The following RGS7 variants were observed in gnomAD, a reference collection of about 807,000 sequenced individuals.
RGS7 encodes regulator of G-protein signaling 7.
A neutral mutation model predicts 81.1 loss-of-function variants in RGS7; 27 were observed. That is an observed-to-expected ratio of 0.33 (90% confidence interval 0.25 to 0.46). The LOEUF (loss-of-function observed/expected upper bound fraction) is 0.46. Among genes scored for constraint, RGS7 ranks in the 20% least tolerant of loss-of-function variants. The pLI, the probability that RGS7 is intolerant of heterozygous loss-of-function variation, is 1.00. For missense variants in RGS7, 396 were observed against 607.4 expected, an observed-to-expected ratio of 0.65 and a Z score of 3.66; for synonymous variants, 208 against 207.7, an observed-to-expected ratio of 1.00 and a Z score of -0.01.
Position 241,349,385 on chromosome 1 carries a change from T to C in RGS7, c.78+6314A>G, listed in dbSNP as rs377746007. 7.9e-4 allele frequency among the ~76,000 whole-genome samples: 121 copies of C among 152,326 alleles called. 3 individuals are homozygous for C. The South Asian group carries it at 0.016, about 20-fold the overall frequency. On this transcript the variant is annotated intron_variant, in intron 2 of 18. Transcript: ENST00000440928. ...AGGAACCCAGCTAATTTCACAAAAC[T>C]GCCATTTCCTATATATTTTTCCAGA... is the stretch of plus-strand genomic sequence containing the variant.
At chr1:240,817,474 T>TA (rs1691009147) in intron 10 of RGS7, among the ~76,000 whole-genome samples, 1 of 152,220 alleles carries the variant, frequency 6.6e-6, no homozygotes, top group Non-Finnish European at 1.5e-5. Flanking sequence ...AATGTGTTTT[T>TA]ATTCCTGAAC....
chr1:240,920,922 T>G (rs1313478901), intron 6 of RGS7, among the ~76,000 whole-genome samples: 1 of 150,782 alleles, frequency 6.6e-6, no homozygotes, highest in Non-Finnish European at 1.5e-5. Context: ...ATGTAATAGT[T>G]TGATTGTGAT....
intron 4 of RGS7, among the ~76,000 whole-genome samples, chr1:240,951,925 A>ATGAC (rs1679629033): frequency 6.6e-6 from 1 of 152,328 alleles, no homozygotes; most frequent in South Asian, 2.1e-4. Flanking sequence ...AAAAATATGA[A>ATGAC]TGACAGTGCG....
intron 2 of RGS7, among the ~76,000 whole-genome samples, chr1:241,175,237 G>C: frequency 6.6e-6 from 1 of 152,124 alleles, no homozygotes; most frequent in East Asian, 1.9e-4. Flanking sequence ...TATGAGAAAA[G>C]AGAAGGGATC....
At chr1:240,817,469 G>T (rs1393622939) in intron 10 of RGS7, among the ~76,000 whole-genome samples, 1 of 152,244 alleles carries the variant, frequency 6.6e-6, no homozygotes, top group East Asian at 1.9e-4. Flanking sequence ...AATTCAATGT[G>T]TTTTTATTCC....
chr1:241,242,774 CA>C (rs2076326647), intron 2 of RGS7, among the ~76,000 whole-genome samples: 1 of 151,988 alleles, frequency 6.6e-6, no homozygotes, highest in Non-Finnish European at 1.5e-5. Flanking sequence ...GCCATTTTCA[CA>C]TCTTCTTTTG....
chr1:241,197,173 A>G (rs914825282), intron 2 of RGS7, among the ~76,000 whole-genome samples: 11 of 151,706 alleles, frequency 7.3e-5, no homozygotes, highest in African/African-American at 2.7e-4. Flanking sequence ...CAAGAGACTC[A>G]CCTTAAATAT....
chr1:241,018,040 C>T (rs1012633378), intron 3 of RGS7, among the ~76,000 whole-genome samples: 5 of 151,808 alleles, frequency 3.3e-5, no homozygotes, highest in Middle Eastern at 3.4e-3. Context: ...GATCTCAGCT[C>T]ACTGCAACTT....
At chr1:241,293,753 A>G (rs2079222713) in intron 2 of RGS7, among the ~76,000 whole-genome samples, 2 of 152,238 alleles carry the variant, frequency 1.3e-5, no homozygotes, top group South Asian at 2.1e-4. Context: ...ACCGTCTCAC[A>G]CCAGTTAGAA....
chr1:240,854,098 T>C (rs1660644185), intron 9 of RGS7, among the ~76,000 whole-genome samples: 1 of 151,980 alleles, frequency 6.6e-6, no homozygotes, highest in Non-Finnish European at 1.5e-5. Context: ...AAGATAATAA[T>C]TGATAGAGAC....
chr1:241,287,570 CTT>C (rs984076765), intron 2 of RGS7, among the ~76,000 whole-genome samples: 74 of 152,238 alleles, frequency 4.9e-4, no homozygotes, highest in African/African-American at 1.7e-3. Context: ...TCAGGTATGT[CTT>C]TATTAGCAGT....
rs186334979 is a variant in RGS7 at position 240,911,650 on chromosome 1, C to T, written c.385+19067G>A. ...TCTGTAAGTCTTGTAAACACAACAA[C>T]GGTATGGAAATCCAACTGAAAAACA... On this transcript the variant is annotated intron_variant, in intron 6 of 18. Coordinates refer to ENST00000440928, the MANE Select transcript of RGS7 (RefSeq NM_001364886.1). Among the ~76,000 whole-genome samples the T allele has an allele frequency of 3.9e-5, 6 of 152,226 alleles. No homozygotes were observed. In the South Asian group the frequency reaches 6.2e-4, roughly 16 times the overall value.
chr1:241,156,161 G>C (rs149981951), intron 2 of RGS7, among the ~76,000 whole-genome samples: 3 of 147,976 alleles, frequency 2.0e-5, no homozygotes, highest in African/African-American at 5.3e-5. Context: ...TAGATAGATA[G>C]ATAGATAGAT....
chr1:241,190,473 A>G (rs931674785), intron 2 of RGS7, among the ~76,000 whole-genome samples: 2 of 152,068 alleles, frequency 1.3e-5, no homozygotes, highest in Non-Finnish European at 2.9e-5. Context: ...ATGTCCATTA[A>G]TTTACATTTT....
intron 6 of RGS7, among the ~76,000 whole-genome samples, chr1:240,883,414 C>A (rs910114494): frequency 6.6e-6 from 1 of 152,152 alleles, no homozygotes; most frequent in Non-Finnish European, 1.5e-5. Context: ...CACGTTCATG[C>A]GTTTTGGCAA....
chr1:240,817,316 A>G (rs371065324), intron 10 of RGS7, among the ~76,000 whole-genome samples: 3 of 152,326 alleles, frequency 2.0e-5, no homozygotes, highest in South Asian at 4.1e-4. Flanking sequence ...AAGAAGGATG[A>G]GGGCATAATA....
At chr1:240,947,960 G>A (rs1312626172) in intron 4 of RGS7, among the ~76,000 whole-genome samples, 1 of 152,084 alleles carries the variant, frequency 6.6e-6, no homozygotes, top group Non-Finnish European at 1.5e-5. Context: ...CAGGCCTTAG[G>A]CTTTGCTAGG....
At position 240,868,478 on chromosome 1, in the gene RGS7, T is replaced by A. The variant is rs894978402; in HGVS notation, c.609+109A>T. The A allele has an allele frequency of 2.3e-6, 2 of 883,304 alleles. No homozygotes were observed. 54.7% of individuals were successfully genotyped at this position (883,304 alleles called of 1,614,324 possible). ...TCTTAATGAATTCACCAAGATACCA[T>A]GGAGCGTGCATGGGGTCACTACAGT... is the stretch of plus-strand genomic sequence containing the variant. On this transcript the variant is annotated intron_variant, in intron 9 of 18. Coordinates refer to ENST00000440928, the MANE Select transcript of RGS7 (RefSeq NM_001364886.1). The surrounding 1 kb of genome is among the most constrained non-coding windows in gnomAD (Gnocchi z 5.1).
intron 3 of RGS7, among the ~76,000 whole-genome samples, chr1:241,074,986 T>A (rs1390171494): frequency 6.6e-6 from 1 of 152,172 alleles, no homozygotes; most frequent in Non-Finnish European, 1.5e-5. Flanking sequence ...AGCTTCCCAC[T>A]GCATTTGCCC....
Sources: allele counts gnomAD v4.1 joint callset (sites outside exome capture counted in the v4.1 genomes callset), GRCh38; gene constraint gnomAD v4.1.1; non-coding constraint Gnocchi (gnomAD v3.1); transcripts MANE v1.5; gene names NCBI Gene and HGNC (gene_info 2026-07-23, HGNC 2026-07-21).